Variants in IFT80 observed in about 807,000 individuals in gnomAD.
The protein encoded by IFT80 is intraflagellar transport protein 80 homolog.
IFT80 carries 79 observed loss-of-function variants against 107.9 expected under a neutral mutation model. That is an observed-to-expected ratio of 0.73 (90% confidence interval 0.61 to 0.88). The LOEUF (loss-of-function observed/expected upper bound fraction) is 0.88, where lower values mean the gene tolerates loss of function less well. Among genes scored for constraint, IFT80 ranks in the 40% least tolerant of loss-of-function variants. IFT80 has a pLI of 0.00. For missense variants in IFT80, 797 were observed against 914.2 expected, an observed-to-expected ratio of 0.87 and a Z score of 1.65; for synonymous variants, 299 against 300.9, an observed-to-expected ratio of 0.99 and a Z score of 0.07.
chr3:160,263,444 C>T (rs1271586620), intron 19 of IFT80, among the ~76,000 whole-genome samples: 1 of 152,186 alleles, frequency 6.6e-6, no homozygotes, highest in African/African-American at 2.4e-5. Flanking sequence ...GAAGTCTATT[C>T]TCTTATCCTG....
At chr3:160,299,474 T>G (rs1012410035) in intron 12 of IFT80, among the ~76,000 whole-genome samples, 7 of 152,216 alleles carry the variant, frequency 4.6e-5, no homozygotes, top group African/African-American at 1.7e-4. Context: ...TTTCATGATA[T>G]ATATTAACAG....
intron 9 of IFT80, among the ~76,000 whole-genome samples, chr3:160,313,138 T>C (rs1304622343): frequency 7.6e-6 from 1 of 131,166 alleles, no homozygotes; most frequent in Non-Finnish European, 1.5e-5. Context: ...GTGCCAAAAG[T>C]ATGTCTCTTC....
At chr3:160,283,677 A>G (rs755331653) in intron 13 of IFT80, among the ~76,000 whole-genome samples, 2 of 152,132 alleles carry the variant, frequency 1.3e-5, no homozygotes, top group Non-Finnish European at 2.9e-5. Context: ...TATCATCGTC[A>G]TCATCATCAT....
chr3:160,268,192 A>G (rs1713497296), intron 19 of IFT80, among the ~76,000 whole-genome samples: 2 of 152,218 alleles, frequency 1.3e-5, no homozygotes, highest in Non-Finnish European at 2.9e-5. Context: ...ATGGAATATT[A>G]TGAAGACAGA....
intron 8 of IFT80, among the ~76,000 whole-genome samples, chr3:160,346,068 A>T (rs1325078765): frequency 6.6e-6 from 1 of 152,160 alleles, no homozygotes; most frequent in Non-Finnish European, 1.5e-5. Flanking sequence ...AAAAAAATCA[A>T]ATCTATAAAA....
At chr3:160,336,786 GCT>G (rs149664382) in intron 8 of IFT80, among the ~76,000 whole-genome samples, 1 of 151,858 alleles carries the variant, frequency 6.6e-6, no homozygotes, top group African/African-American at 2.4e-5. Flanking sequence ...TGTTCTATTT[GCT>G]CTCTCTCTTT....
Position 160,377,428 on chromosome 3 carries a change from A to G in IFT80, c.370+2T>C. 6.6e-7 allele frequency: 1 copy of G among 1,506,798 alleles called. No individual in the cohort carries two copies. Among genetic ancestry groups the G allele is most frequent in the Non-Finnish European group, 9.2e-7 (1 of 1,082,772 alleles). The allele number at this position is 1,506,798 out of a possible 1,614,324, so 93.3% of individuals were successfully genotyped here. On this transcript the variant is annotated splice_donor_variant, in intron 4 of 19. Coordinates refer to ENST00000326448, the MANE Select transcript of IFT80 (RefSeq NM_020800.3). LOFTEE classifies it high-confidence loss of function. ...CAAATGTCATTTTTACAGACAACTT[A>G]CCTGTAACTAATGCTGTTCCTTCAT...
chr3:160,306,207 A>C (rs543348866), intron 10 of IFT80, among the ~76,000 whole-genome samples: 1 of 152,260 alleles, frequency 6.6e-6, no homozygotes, highest in East Asian at 1.9e-4. Flanking sequence ...TGTAAGGGAA[A>C]AGTAGAGTGA....
At chr3:160,311,008 C>T (rs1717204383) in intron 9 of IFT80, among the ~76,000 whole-genome samples, 1 of 152,042 alleles carries the variant, frequency 6.6e-6, no homozygotes, top group African/African-American at 2.4e-5. Context: ...ACCTGTGGTC[C>T]CAGCTACTCG....
At chr3:160,289,007 C>A (rs1328620843) in intron 12 of IFT80, among the ~76,000 whole-genome samples, 1 of 150,714 alleles carries the variant, frequency 6.6e-6, no homozygotes, top group Non-Finnish European at 1.5e-5. Flanking sequence ...CACATGCATG[C>A]GAATGTTCAC....
chr3:160,265,523 G>A (rs924173812), intron 19 of IFT80, among the ~76,000 whole-genome samples: 3 of 152,048 alleles, frequency 2.0e-5, no homozygotes, highest in Non-Finnish European at 1.5e-5. Context: ...TCTTTGAGTG[G>A]ATTTTATTTG....
intron 9 of IFT80, among the ~76,000 whole-genome samples, chr3:160,315,199 G>T (rs546077526): frequency 6.6e-6 from 1 of 152,146 alleles, no homozygotes; most frequent in Non-Finnish European, 1.5e-5. Flanking sequence ...ACAGGTACAG[G>T]GATAGTCAAC....
intron 13 of IFT80, among the ~76,000 whole-genome samples, chr3:160,285,151 C>T (rs142835311): frequency 1.8e-3 from 267 of 152,012 alleles, no homozygotes; most frequent in Middle Eastern, 6.8e-3. Flanking sequence ...CCAGCCTGGG[C>T]AACATGGCGA....
intron 18 of IFT80, among the ~76,000 whole-genome samples, chr3:160,272,515 A>G (rs75726754): frequency 3.3e-5 from 5 of 152,278 alleles, no homozygotes; most frequent in Non-Finnish European, 7.4e-5. Flanking sequence ...GAAATTTTCC[A>G]TAATAAACAA....
intron 10 of IFT80, among the ~76,000 whole-genome samples, chr3:160,306,585 GA>G (rs1375162658): frequency 2.7e-5 from 4 of 149,686 alleles, no homozygotes; most frequent in Admixed American, 1.3e-4. Flanking sequence ...CTCATGTAAG[GA>G]AAAAAAAAAA....
At chr3:160,271,618 A>C (rs1713813312) in intron 18 of IFT80, among the ~76,000 whole-genome samples, 1 of 152,140 alleles carries the variant, frequency 6.6e-6, no homozygotes, top group African/African-American at 2.4e-5. Flanking sequence ...CAATTTTCAA[A>C]TTCAAACATG....
intron 1 of IFT80, among the ~76,000 whole-genome samples, chr3:160,385,927 G>A (rs1712898251): frequency 6.6e-6 from 1 of 152,178 alleles, no homozygotes; most frequent in Non-Finnish European, 1.5e-5. Context: ...TTCTGGAAAT[G>A]AGAATACAAT....
intron 15 of IFT80, 132 bp downstream of exon 15, chr3:160,280,535 G>A (rs963588056): frequency 3.9e-5 from 29 of 735,418 alleles, no homozygotes; most frequent in African/African-American, 1.8e-4. Context: ...AGCTTTAGCC[G>A]AACAATTTAT....
At chr3:160,322,979 T>C (rs1429574469) in intron 8 of IFT80, among the ~76,000 whole-genome samples, 1 of 152,068 alleles carries the variant, frequency 6.6e-6, no homozygotes, top group Non-Finnish European at 1.5e-5. Flanking sequence ...TCTCCCATTT[T>C]GTAGGTTGCC....
Sources: allele counts gnomAD v4.1 joint callset (sites outside exome capture counted in the v4.1 genomes callset), GRCh38; gene constraint gnomAD v4.1.1; transcripts MANE v1.5; gene names NCBI Gene and HGNC (gene_info 2026-07-23, HGNC 2026-07-21).